KLHL2: variants seen among roughly 807,000 people sequenced by gnomAD.
KLHL2 encodes kelch-like protein 2.
Under a neutral mutation model 75.8 loss-of-function variants are expected in KLHL2, and 15 were observed. That is an observed-to-expected ratio of 0.20 (90% CI 0.13 to 0.30). KLHL2 has a LOEUF of 0.30. Among genes scored for constraint, KLHL2 ranks in the 10% least tolerant of loss-of-function variants. KLHL2 has a pLI of 1.00. For missense variants in KLHL2, 381 were observed against 741.0 expected (o/e 0.51, Z 5.64); for synonymous variants, 214 against 251.9 (o/e 0.85, Z 1.42).
chr4:165,269,197 G>C (rs1035245130), intron 5 of KLHL2, among the ~76,000 whole-genome samples: 2 of 151,796 alleles, frequency 1.3e-5, no homozygotes, highest in African/African-American at 4.8e-5. Context: ...TTTTGAGCCT[G>C]TGTGTGTCTT....
At chr4:165,251,624 T>TTG (rs1740709299) in intron 4 of KLHL2, among the ~76,000 whole-genome samples, 1 of 149,954 alleles carries the variant, frequency 6.7e-6, no homozygotes, top group South Asian at 2.1e-4. Flanking sequence ...TGTTTTTTTT[T>TTG]TTTGAGACGG....
intron 3 of KLHL2, among the ~76,000 whole-genome samples, chr4:165,235,646 T>G: frequency 6.6e-6 from 1 of 152,180 alleles, no homozygotes; most frequent in Non-Finnish European, 1.5e-5. Context: ...CTCAGTGAGC[T>G]TAAGAATTCA....
chr4:165,303,767 TG>T (rs1745524406), intron 8 of KLHL2, among the ~76,000 whole-genome samples: 1 of 152,084 alleles, frequency 6.6e-6, no homozygotes, highest in Non-Finnish European at 1.5e-5. Context: ...TTCGCCATCT[TG>T]GCCAGGCTGG....
At chr4:165,285,697 A>G (rs1744036911) in intron 5 of KLHL2, among the ~76,000 whole-genome samples, 1 of 152,104 alleles carries the variant, frequency 6.6e-6, no homozygotes, top group South Asian at 2.1e-4. Flanking sequence ...ATGAGCCGCC[A>G]TGCCTGGCCC....
intron 5 of KLHL2, among the ~76,000 whole-genome samples, chr4:165,272,229 T>C (rs1185360758): frequency 1.3e-5 from 2 of 152,196 alleles, no homozygotes; most frequent in Non-Finnish European, 2.9e-5. Context: ...GATGAGCTTT[T>C]AGAACACAAC....
At chr4:165,272,419 G>A (rs1742768641) in intron 5 of KLHL2, among the ~76,000 whole-genome samples, 2 of 152,118 alleles carry the variant, frequency 1.3e-5, no homozygotes, top group Admixed American at 6.5e-5. Flanking sequence ...TCCATTAACT[G>A]CTAGACTTAA....
intron 5 of KLHL2, among the ~76,000 whole-genome samples, chr4:165,269,948 C>G (rs189697024): frequency 6.6e-6 from 1 of 152,158 alleles, no homozygotes. Context: ...CATAACTCTC[C>G]GGTACACCAA....
chr4:165,236,670 G>T (rs1739373706), intron 3 of KLHL2, among the ~76,000 whole-genome samples: 1 of 152,176 alleles, frequency 6.6e-6, no homozygotes, highest in Non-Finnish European at 1.5e-5. Context: ...ATACTCTTTA[G>T]TATGGGCTTT....
At chr4:165,280,181 A>G (rs1743555499) in intron 5 of KLHL2, among the ~76,000 whole-genome samples, 1 of 152,186 alleles carries the variant, frequency 6.6e-6, no homozygotes, top group African/African-American at 2.4e-5. Context: ...TTTCAAAGCT[A>G]TCCTCTTTAT....
intron 4 of KLHL2, among the ~76,000 whole-genome samples, chr4:165,255,806 AAAC>A (rs1741121397): frequency 6.6e-6 from 1 of 152,132 alleles, no homozygotes; most frequent in African/African-American, 2.4e-5. Flanking sequence ...GCTGAGTCAA[AAAC>A]AACAGCAACA....
rs542717518 is a variant in KLHL2 at position 165,246,365 on chromosome 4, G to A, written c.381+7466G>A. On this transcript the variant is annotated intron_variant, in intron 4 of 14. Coordinates refer to ENST00000226725, the MANE Select transcript of KLHL2 (RefSeq NM_007246.4). The stretch of plus-strand genomic sequence containing the variant: ...GATAAGGAGGTTTGATTTTGTTCCA[G>A]TTGTAGTTTGGGCAGGGAATTCATG... Among the ~76,000 whole-genome samples the A allele has an allele frequency of 3.8e-3, 575 of 152,092 alleles. 5 individuals are homozygous for A. The highest frequency in any genetic ancestry group is 0.013 in the African/African-American group (556 of 41,482).
chr4:165,213,314 A>G (rs1031933522), intron 1 of KLHL2, among the ~76,000 whole-genome samples: 1 of 152,220 alleles, frequency 6.6e-6, no homozygotes, highest in African/African-American at 2.4e-5. Flanking sequence ...TCTTAGAGTC[A>G]TGTGAAGTGA....
At chr4:165,217,902 A>C (rs1248353769) in intron 1 of KLHL2, among the ~76,000 whole-genome samples, 1 of 152,172 alleles carries the variant, frequency 6.6e-6, no homozygotes, top group Non-Finnish European at 1.5e-5. Context: ...CCTATCTCAA[A>C]CAGTTTCCAC....
chr4:165,247,472 G>C (rs1280302665), intron 4 of KLHL2, among the ~76,000 whole-genome samples: 1 of 152,076 alleles, frequency 6.6e-6, no homozygotes, highest in African/African-American at 2.4e-5. Flanking sequence ...CATTTTTTAT[G>C]TTAATTAGAA....
chr4:165,294,104 C>T (rs1034551921), intron 5 of KLHL2, among the ~76,000 whole-genome samples: 1 of 152,122 alleles, frequency 6.6e-6, no homozygotes, highest in Non-Finnish European at 1.5e-5. Context: ...AATGATTCAA[C>T]TAAGTGCGTG....
At chr4:165,249,497 C>T (rs976029618) in intron 4 of KLHL2, among the ~76,000 whole-genome samples, 4 of 151,700 alleles carry the variant, frequency 2.6e-5, no homozygotes, top group Non-Finnish European at 4.4e-5. Flanking sequence ...GAAAGTCTTA[C>T]CAAACTGGCA....
intron 2 of KLHL2, 107 bp downstream of exon 2, chr4:165,220,166 C>G: frequency 6.7e-7 from 1 of 1,489,786 alleles, no homozygotes; most frequent in South Asian, 1.4e-5. Flanking sequence ...GTCTGGTACA[C>G]AGAACATTAA....
At chr4:165,218,517 C>T (rs1261986216) in intron 1 of KLHL2, among the ~76,000 whole-genome samples, 1 of 152,130 alleles carries the variant, frequency 6.6e-6, no homozygotes, top group Non-Finnish European at 1.5e-5. Context: ...TCCACCGTCC[C>T]CACATTTCTC....
At chr4:165,294,044 A>G (rs748297962) in intron 5 of KLHL2, among the ~76,000 whole-genome samples, 6 of 152,206 alleles carry the variant, frequency 3.9e-5, no homozygotes, top group Admixed American at 3.9e-4. Context: ...GTGTCATACC[A>G]TATAAGGAAT....
Sources: allele counts gnomAD v4.1 joint callset (sites outside exome capture counted in the v4.1 genomes callset), GRCh38; gene constraint gnomAD v4.1.1; transcripts MANE v1.5; gene names NCBI Gene and HGNC (gene_info 2026-07-23, HGNC 2026-07-21).